HMBOX1: variants seen among roughly 807,000 people sequenced by gnomAD.
HMBOX1 encodes the protein homeobox containing 1, also known as homeobox-containing protein 1.
HMBOX1 carries 14 observed loss-of-function variants against 54.5 expected under a neutral mutation model. The observed-to-expected ratio is 0.26, with a 90% confidence interval of 0.17 to 0.40. The LOEUF is 0.40. HMBOX1 is among the 10% of genes least tolerant of loss of function. The probability of loss-of-function intolerance (pLI) is 1.00; values close to 1 mark genes in which losing one functional copy is unlikely to be tolerated. For synonymous variants in HMBOX1, 160 were observed against 181.0 expected (o/e 0.88, Z 0.93); for missense variants, 332 against 514.4 (o/e 0.65, Z 3.43).
At chr8:28,926,175 G>A (rs1818416351) in intron 1 of HMBOX1, among the ~76,000 whole-genome samples, 1 of 151,972 alleles carries the variant, frequency 6.6e-6, no homozygotes, top group South Asian at 2.1e-4. Context: ...GGTGGCGTAT[G>A]CCTGTAGTCC....
intron 1 of HMBOX1, among the ~76,000 whole-genome samples, chr8:28,920,163 C>T (rs1817302050): frequency 6.6e-6 from 1 of 152,106 alleles, no homozygotes; most frequent in South Asian, 2.1e-4. Flanking sequence ...TATATGTTAA[C>T]CTTTTATTTA....
intron 6 of HMBOX1, among the ~76,000 whole-genome samples, chr8:29,020,662 T>C (rs970074833): frequency 6.6e-6 from 1 of 152,202 alleles, no homozygotes; most frequent in African/African-American, 2.4e-5. Context: ...ATGCCAATAG[T>C]TGCAAAAGCA....
intron 1 of HMBOX1, among the ~76,000 whole-genome samples, chr8:28,917,765 C>T (rs1816824150): frequency 6.6e-6 from 1 of 152,108 alleles, no homozygotes; most frequent in African/African-American, 2.4e-5. Flanking sequence ...ATTATATTAA[C>T]TTTTATCAAG....
chr8:29,008,852 TTAA>T (rs1272279679), intron 4 of HMBOX1, among the ~76,000 whole-genome samples: 5 of 152,202 alleles, frequency 3.3e-5, no homozygotes, highest in African/African-American at 1.2e-4. Context: ...CGGGTCTTAA[TTAA>T]TAAACTGCCT....
chr8:28,908,132 C>G (rs1361107471), intron 1 of HMBOX1, among the ~76,000 whole-genome samples: 1 of 152,124 alleles, frequency 6.6e-6, no homozygotes, highest in African/African-American at 2.4e-5. Context: ...GGATTACAGG[C>G]ATAAGCCACT....
At chr8:28,918,603 C>T (rs1213614227) in intron 1 of HMBOX1, among the ~76,000 whole-genome samples, 1 of 152,190 alleles carries the variant, frequency 6.6e-6, no homozygotes, top group Non-Finnish European at 1.5e-5. Flanking sequence ...TTACTTGGTA[C>T]TTTTAACCTC....
At chr8:28,972,140 T>A (rs977189830) in intron 3 of HMBOX1, among the ~76,000 whole-genome samples, 15 of 152,232 alleles carry the variant, frequency 9.9e-5, no homozygotes, top group African/African-American at 3.6e-4. Flanking sequence ...CCAGATACAG[T>A]ATAAATAAAG....
intron 4 of HMBOX1, among the ~76,000 whole-genome samples, chr8:28,993,969 G>T (rs1291092756): frequency 6.6e-6 from 1 of 152,158 alleles, no homozygotes; most frequent in African/African-American, 2.4e-5. Flanking sequence ...AGGAGTTCAG[G>T]ACTAGCCTGG....
chr8:29,029,762 C>T (rs1372215929), intron 6 of HMBOX1, among the ~76,000 whole-genome samples: 4 of 152,226 alleles, frequency 2.6e-5, no homozygotes, highest in Non-Finnish European at 5.9e-5. Context: ...TTGAACTTCT[C>T]AGCCCTTTAT....
At chr8:28,982,815 G>T (rs182694820) in intron 4 of HMBOX1, among the ~76,000 whole-genome samples, 12 of 152,098 alleles carry the variant, frequency 7.9e-5, no homozygotes, top group African/African-American at 2.2e-4. Context: ...TGGTAGGCGG[G>T]GTTTCACCAT....
intron 1 of HMBOX1, among the ~76,000 whole-genome samples, chr8:28,934,006 A>T (rs1485684021): frequency 6.6e-6 from 1 of 152,228 alleles, no homozygotes; most frequent in East Asian, 1.9e-4. Flanking sequence ...AGACAGAGAC[A>T]TTACAGGAAA....
chr8:28,936,729 T>C (rs1820461983), intron 1 of HMBOX1, among the ~76,000 whole-genome samples: 1 of 150,406 alleles, frequency 6.6e-6, no homozygotes, highest in East Asian at 2.0e-4. Context: ...TCATCCATTA[T>C]AAATTTAAAC....
At chr8:29,045,269 T>C (rs545857927) in intron 6 of HMBOX1, 92 bp from the exon 7 acceptor site, 124 of 951,868 alleles carry the variant, frequency 1.3e-4, no homozygotes, top group Non-Finnish European at 2.0e-4. Flanking sequence ...GAGTGTGGCA[T>C]CTTACAGAAT....
chr8:29,017,705 T>C (rs1835235457), intron 5 of HMBOX1, among the ~76,000 whole-genome samples: 1 of 152,178 alleles, frequency 6.6e-6, no homozygotes, highest in African/African-American at 2.4e-5. Context: ...TCAGGATTGA[T>C]TAACATTTTG....
chr8:29,017,882 T>G (rs1447905448), intron 5 of HMBOX1, among the ~76,000 whole-genome samples: 9 of 152,218 alleles, frequency 5.9e-5, no homozygotes, highest in Non-Finnish European at 2.9e-5. Flanking sequence ...ATCATTAACA[T>G]AGAATTAACA....
intron 4 of HMBOX1, among the ~76,000 whole-genome samples, chr8:28,982,630 C>T (rs1829540792): frequency 6.9e-6 from 1 of 143,942 alleles, no homozygotes; most frequent in African/African-American, 2.5e-5. Flanking sequence ...TTATTTTTTA[C>T]TTTTTTTTTT....
intron 6 of HMBOX1, among the ~76,000 whole-genome samples, chr8:29,043,974 A>AGG (rs764196799): frequency 3.5e-4 from 53 of 152,250 alleles, no homozygotes; most frequent in Non-Finnish European, 6.9e-4. Context: ...CAAGACTGGG[A>AGG]GGATATAGCT....
At chr8:28,977,198 C>A (rs1473360445) in intron 3 of HMBOX1, among the ~76,000 whole-genome samples, 1 of 152,070 alleles carries the variant, frequency 6.6e-6, no homozygotes, top group Non-Finnish European at 1.5e-5. Flanking sequence ...GTTATCTCTT[C>A]TGTATGATTT....
At chr8:28,962,655 A>AT (rs1423716878) in intron 1 of HMBOX1, among the ~76,000 whole-genome samples, 1 of 137,786 alleles carries the variant, frequency 7.3e-6, no homozygotes, top group Admixed American at 7.3e-5. Flanking sequence ...TCCTCCACTG[A>AT]TTCTCACCTC....
Sources: gnomAD v4.1 joint callset for allele counts (sites outside exome capture counted in the v4.1 genomes callset) on GRCh38, gnomAD v4.1.1 for gene constraint, MANE v1.5 for transcripts, NCBI Gene and HGNC (gene_info 2026-07-23, HGNC 2026-07-21) for gene names.